NUAK1: variants seen among roughly 807,000 people sequenced by gnomAD.
NUAK1 encodes the protein NUAK family kinase 1.
In NUAK1, 26 loss-of-function variants were observed where a neutral mutation model predicts 56.9. The ratio of observed to expected loss-of-function variants is 0.46; its 90% CI spans 0.33 to 0.63. The LOEUF (loss-of-function observed/expected upper bound fraction) is 0.63, where lower values mean the gene tolerates loss of function less well. NUAK1 is among the 30% of genes least tolerant of loss of function. NUAK1 has a pLI of 0.02. For missense variants in NUAK1, 727 were observed against 876.1 expected, an observed-to-expected ratio of 0.83 and a Z score of 2.15; for synonymous variants, 337 against 336.0, an observed-to-expected ratio of 1.00 and a Z score of -0.03.
At chr12:106,136,137 G>T (rs1373455207) in intron 1 of NUAK1, among the ~76,000 whole-genome samples, 1 of 152,166 alleles carries the variant, frequency 6.6e-6, no homozygotes, top group East Asian at 1.9e-4. Flanking sequence ...TGTAAGCTCA[G>T]CTATCAAGGA....
At position 106,131,256 on chromosome 12, in the gene NUAK1, G is replaced by C. The variant is rs188711830; in HGVS notation, c.240+7158C>G. ...AAAGTGCACAATTCAGGGGTTTTTAGTATATTCGGAGGGGTGCAACCATCA... is the reference window on the plus strand; with the variant it reads ...AAAGTGCACAATTCAGGGGTTTTTACTATATTCGGAGGGGTGCAACCATCA... On this transcript the variant is annotated intron_variant, in intron 1 of 6. Coordinates refer to ENST00000261402, the MANE Select transcript of NUAK1 (RefSeq NM_014840.3). 3.9e-5 allele frequency among the ~76,000 whole-genome samples: 6 copies of C among 152,124 alleles called. No homozygotes were observed. The East Asian group carries it at 1.2e-3, about 29-fold the overall frequency.
At chr12:106,135,841 A>C (rs2033124596) in intron 1 of NUAK1, among the ~76,000 whole-genome samples, 1 of 152,232 alleles carries the variant, frequency 6.6e-6, no homozygotes, top group Non-Finnish European at 1.5e-5. Context: ...ATTTTAGATG[A>C]AAATGTCTTA....
At chr12:106,124,751 T>C (rs2033009725) in intron 1 of NUAK1, among the ~76,000 whole-genome samples, 2 of 152,118 alleles carry the variant, frequency 1.3e-5, no homozygotes, top group South Asian at 2.1e-4. Flanking sequence ...GGCTCATGAC[T>C]GTAACCCCAG....
In NUAK1 at chr12:106,138,551, C is replaced by T; in HGVS notation, c.103G>A (p.Glu35Lys). ...TTCACCCCGTGCGGCTTCCTGGGCT[C>T]CAGGGCTGCAGTCGCCCCCGCCACC... The part of the protein sequence containing the change: ...EAVAGATAAL[E>K]PRKPHGVKRH... Residue 35 changes from glutamate to lysine, a missense_variant, in exon 1 of 7, where the codon GAG becomes AAG. Coordinates refer to ENST00000261402, the MANE Select transcript of NUAK1 (RefSeq NM_014840.3). This position sits in a 1 kb window ranked among gnomAD's most constrained non-coding sequence, Gnocchi z 5.0. 1 of 1,610,702 alleles carries T rather than the reference C, an allele frequency of 6.2e-7. No homozygotes were observed.
At chr12:106,117,751 T>C (rs747696002) in intron 1 of NUAK1, among the ~76,000 whole-genome samples, 15 of 152,214 alleles carry the variant, frequency 9.9e-5, no homozygotes, top group South Asian at 2.1e-4. Context: ...TGTTCACACC[T>C]ACAAACTATT....
intron 1 of NUAK1, among the ~76,000 whole-genome samples, chr12:106,108,037 TGTAGGCAG>T (rs772724818): frequency 3.3e-5 from 5 of 151,694 alleles, no homozygotes; most frequent in Admixed American, 6.6e-5. Context: ...AAACATTTAG[TGTAGGCAG>T]GTAGGCAGGT....
chr12:106,087,389 C>T (rs984063049), intron 2 of NUAK1, among the ~76,000 whole-genome samples: 3 of 152,174 alleles, frequency 2.0e-5, no homozygotes, highest in Admixed American at 2.0e-4. Context: ...AAGTCGTGCA[C>T]GATCCCATGG....
At chr12:106,121,749 C>CG (rs1270390390) in intron 1 of NUAK1, among the ~76,000 whole-genome samples, 2 of 149,680 alleles carry the variant, frequency 1.3e-5, no homozygotes, top group African/African-American at 4.9e-5. Flanking sequence ...GACCCTGTCT[C>CG]GGGAAAAAAA....
chr12:106,127,973 G>A (rs1362967562), intron 1 of NUAK1, among the ~76,000 whole-genome samples: 6 of 152,090 alleles, frequency 3.9e-5, no homozygotes, highest in Admixed American at 2.0e-4. Context: ...CACTGTGGGC[G>A]ACACACTTTT....
intron 2 of NUAK1, among the ~76,000 whole-genome samples, chr12:106,089,115 G>A (rs1020420207): frequency 5.3e-5 from 8 of 152,256 alleles, no homozygotes; most frequent in African/African-American, 7.2e-5. Context: ...CGACTGCCTC[G>A]GGATGCATGG....
rs966226196 is a variant in NUAK1 at position 106,063,717 on chromosome 12, C to T, written c.*3085G>A. On this transcript the variant is annotated 3_prime_UTR_variant, in exon 7 of 7. Coordinates refer to ENST00000261402, the MANE Select transcript of NUAK1 (RefSeq NM_014840.3). ...TTTTTTAATGTGCAGTCAAGTTTCT[C>T]TCTTTTTTTCTTCTAGGAATGATAC... The T allele has an allele frequency of 3.3e-5, 5 of 150,388 alleles. No homozygotes were observed. Among genetic ancestry groups the T allele is most frequent in the African/African-American group, 1.2e-4 (5 of 40,590 alleles). 9.3% of individuals were successfully genotyped at this position (150,388 alleles called of 1,614,324 possible). A position where few individuals can be genotyped will look rare whatever the true frequency, so the allele number is the denominator to read the frequency against.
intron 1 of NUAK1, among the ~76,000 whole-genome samples, chr12:106,116,571 G>A (rs1270534100): frequency 6.6e-6 from 1 of 152,316 alleles, no homozygotes; most frequent in Non-Finnish European, 1.5e-5. Context: ...TCTGAGGGAA[G>A]TTAAGTAACG....
At chr12:106,071,671 C>T (rs1300620286) in intron 5 of NUAK1, among the ~76,000 whole-genome samples, 2 of 152,196 alleles carry the variant, frequency 1.3e-5, no homozygotes, top group African/African-American at 4.8e-5. Context: ...GACCAGATCA[C>T]AGACTGCTAG....
At chr12:106,074,086 C>T (rs1299042415) in intron 4 of NUAK1, among the ~76,000 whole-genome samples, 2 of 152,042 alleles carry the variant, frequency 1.3e-5, no homozygotes, top group Non-Finnish European at 2.9e-5. Context: ...CTTTCCCTAC[C>T]AGACTCTGAG....
intron 2 of NUAK1, among the ~76,000 whole-genome samples, chr12:106,099,906 T>G (rs1488729030): frequency 1.3e-5 from 2 of 151,688 alleles, no homozygotes; most frequent in African/African-American, 4.8e-5. Context: ...TTCTCCCACC[T>G]TAGCCTCCTG....
chr12:106,086,520 G>T (rs1018532402), intron 3 of NUAK1, among the ~76,000 whole-genome samples: 4 of 152,156 alleles, frequency 2.6e-5, no homozygotes, highest in African/African-American at 9.7e-5. Flanking sequence ...GTGAGAAGGA[G>T]GAGGAAGAAG....
At chr12:106,069,615 A>C (rs565554023) in intron 6 of NUAK1, among the ~76,000 whole-genome samples, 1 of 152,356 alleles carries the variant, frequency 6.6e-6, no homozygotes, top group African/African-American at 2.4e-5. Context: ...CACATAAAAC[A>C]AGGTTATATA....
At chr12:106,128,373 C>A (rs568471696) in intron 1 of NUAK1, among the ~76,000 whole-genome samples, 2 of 152,170 alleles carry the variant, frequency 1.3e-5, no homozygotes, top group African/African-American at 4.8e-5. Context: ...TCAAATAATC[C>A]ACCCACCTCG....
rs1420274960 is a variant in NUAK1 at position 106,093,996 on chromosome 12, A to C, written c.362-7111T>G. Among the ~76,000 whole-genome samples the C allele has an allele frequency of 2.0e-5, 3 of 150,984 alleles. No homozygotes were observed. The East Asian group carries it at 5.8e-4, about 29-fold the overall frequency. ...GTAATTTTTTTTTTTCTTGGTAGAGACAGGGTTTCGCCATGTTGCCCAGGC... is the reference window on the plus strand; with the variant it reads ...GTAATTTTTTTTTTTCTTGGTAGAGCCAGGGTTTCGCCATGTTGCCCAGGC... On this transcript the variant is annotated intron_variant, in intron 2 of 6. Transcript: ENST00000261402.
Sources: gnomAD v4.1 joint callset for allele counts (sites outside exome capture counted in the v4.1 genomes callset) on GRCh38, gnomAD v4.1.1 for gene constraint, Gnocchi (gnomAD v3.1) non-coding constraint, MANE v1.5 for transcripts, NCBI Gene and HGNC (gene_info 2026-07-23, HGNC 2026-07-21) for gene names.